Variants in FEM1C observed in about 807,000 individuals in gnomAD.
FEM1C encodes the protein fem-1 homolog C, also known as protein fem-1 homolog C.
In FEM1C, 15 loss-of-function variants were observed where a neutral mutation model predicts 37.6. The observed-to-expected ratio is 0.40, with a 90% confidence interval of 0.27 to 0.61. The LOEUF (loss-of-function observed/expected upper bound fraction) is 0.61, where lower values mean the gene tolerates loss of function less well. Among genes scored for constraint, FEM1C ranks in the 20% least tolerant of loss-of-function variants. FEM1C has a pLI of 0.42. For missense variants in FEM1C, 532 were observed against 749.7 expected (o/e 0.71, Z 3.39); for synonymous variants, 287 against 272.8 (o/e 1.05, Z -0.51).
In FEM1C at chr5:115,524,291, A is replaced by G. The variant is rs369239412; in HGVS notation, c.*17T>C. The G allele has an allele frequency of 1.1e-5, 17 of 1,607,562 alleles. No homozygotes were observed. In the African/African-American group the frequency reaches 2.0e-4, roughly 19 times the overall value. On this transcript the variant is annotated 3_prime_UTR_variant, in exon 3 of 3. Transcript: ENST00000274457. ...TACCAATTCGTGCTTTAACAGTGCTAAAATACAGTCAAGTTATCATCTATG... is the reference window on the plus strand; with the variant it reads ...TACCAATTCGTGCTTTAACAGTGCTGAAATACAGTCAAGTTATCATCTATG...
At chr5:115,540,497 G>A (rs934625651) in intron 2 of FEM1C, among the ~76,000 whole-genome samples, 4 of 151,826 alleles carry the variant, frequency 2.6e-5, no homozygotes, top group Admixed American at 6.6e-5. Context: ...TGATACTGGG[G>A]AAAAAAATGA....
At chr5:115,527,621 T>C (rs926332592) in intron 2 of FEM1C, among the ~76,000 whole-genome samples, 3 of 152,104 alleles carry the variant, frequency 2.0e-5, no homozygotes, top group Non-Finnish European at 2.9e-5. Flanking sequence ...TTCTAAGAAA[T>C]AGGCAATATA....
Position 115,524,204 on chromosome 5 carries a change from TATCA to T in FEM1C, c.*100_*103del. On this transcript the variant is annotated 3_prime_UTR_variant, in exon 3 of 3. Transcript: ENST00000274457. Reference sequence around the variant, plus strand: ...GCTTTAGCCAATGAGAGCACAATGATATCAATCAAGCTAAATGAATGCTGGTGTT... The same window carrying T: ...GCTTTAGCCAATGAGAGCACAATGATATCAAGCTAAATGAATGCTGGTGTT... 1.1e-6 allele frequency: 1 copy of T among 882,496 alleles called. No individual in the cohort carries two copies. The highest frequency in any genetic ancestry group is 1.8e-6 in the Non-Finnish European group (1 of 562,874). The allele number at this position is 882,496 out of a possible 1,614,324, so 54.7% of individuals were successfully genotyped here.
rs1215000062 is a variant in FEM1C, at chr5:115,524,975, T to C, written c.1187A>G (p.Asp396Gly). ...AGTACCCAGCAGGCCTTTAGCCCTA[T>C]CCTGTAGCATAAAGGAGAATAGTTC... ...FAELFSFMLQ[D>G]RAKGLLGTTV... Residue 396 changes from aspartate to glycine, a missense_variant, in exon 3 of 3, where the codon GAT becomes GGT. Around this residue, in one of 3 missense-constraint regions of FEM1C, gnomAD observed 221 missense variants for 404.1 expected, o/e 0.55. Coordinates refer to ENST00000274457, the MANE Select transcript of FEM1C (RefSeq NM_020177.3). 3 of 1,613,746 alleles carry C rather than the reference T, an allele frequency of 1.9e-6. No individual in the cohort carries two copies. The highest frequency in any genetic ancestry group is 2.2e-5 in the East Asian group (1 of 44,866).
At position 115,524,216 on chromosome 5, in the gene FEM1C, T is replaced by G. The variant is rs74327648; in HGVS notation, c.*92A>C. On this transcript the variant is annotated 3_prime_UTR_variant, in exon 3 of 3. Transcript: ENST00000274457. ...GAGAGCACAATGATATCAATCAAGC[T>G]AAATGAATGCTGGTGTTATCACAAC... is the stretch of plus-strand genomic sequence containing the variant. The G allele has an allele frequency of 3.0e-3, 2,986 of 1,011,340 alleles. 60 individuals are homozygous for G. The African/African-American group carries it at 0.043, about 15-fold the overall frequency. 62.6% of individuals were successfully genotyped at this position (1,011,340 alleles called of 1,614,324 possible). A position where few individuals can be genotyped will look rare whatever the true frequency, so the allele number is the denominator to read the frequency against.
rs77852843 is a variant in FEM1C, at chr5:115,531,886, G to T, written c.545-6269C>A. On this transcript the variant is annotated intron_variant, in intron 2 of 2. Transcript: ENST00000274457. ...CTGCTCTAACCCGGAGACATGGTCT[G>T]CATCTCCCACACACAAGGGAGAAAT... 6.4e-3 allele frequency among the ~76,000 whole-genome samples: 973 copies of T among 152,160 alleles called. 11 individuals carry two copies. The highest frequency in any genetic ancestry group is 0.022 in the African/African-American group (926 of 41,516).
rs1753790961 is a variant in FEM1C at position 115,522,214 on chromosome 5, A to G, written c.*2094T>C. On this transcript the variant is annotated 3_prime_UTR_variant, in exon 3 of 3. Coordinates refer to ENST00000274457, the MANE Select transcript of FEM1C (RefSeq NM_020177.3). ...CAAATTATCGAGATCAACTAATGTAATTTACTATAATGGCAAAGTTTTCCT... is the reference window on the plus strand; with the variant it reads ...CAAATTATCGAGATCAACTAATGTAGTTTACTATAATGGCAAAGTTTTCCT... The G allele has an allele frequency of 6.6e-6, 1 of 151,828 alleles. No homozygotes were observed. The highest frequency in any genetic ancestry group is 1.5e-5 in the Non-Finnish European group (1 of 67,822). 9.4% of individuals were successfully genotyped at this position (151,828 alleles called of 1,614,324 possible). A position where few individuals can be genotyped will look rare whatever the true frequency, so the allele number is the denominator to read the frequency against.
At chr5:115,544,159 CTG>C (rs2127176718) in intron 1 of FEM1C, 2 of 985,448 alleles carry the variant, frequency 2.0e-6, no homozygotes, top group Non-Finnish European at 2.4e-6. Flanking sequence ...AAGGCCAAAA[CTG>C]TGCCCCGAAA....
At position 115,525,526 on chromosome 5, in the gene FEM1C, A is replaced by G. The variant is rs1753872515; in HGVS notation, c.636T>C (p.Gly212=). The change falls in exon 3 of 3, where the codon GGT becomes GGC. Residue 212 remains glycine (G), a synonymous_variant. Transcript: ENST00000274457. ...LMYCAKMEKD[G]YGMTPLLSAS... is the part of the protein sequence containing the mutation. ...CTGAGAGAAGGGGAGTCATTCCATAACCATCCTTTTCCATCTTGGCACAAT... is the reference window on the plus strand; with the variant it reads ...CTGAGAGAAGGGGAGTCATTCCATAGCCATCCTTTTCCATCTTGGCACAAT... 1.2e-6 allele frequency: 2 copies of G among 1,613,498 alleles called. No homozygotes were observed. The highest frequency in any genetic ancestry group is 1.1e-5 in the South Asian group (1 of 91,076).
Position 115,524,868 on chromosome 5 carries a change from G to C in FEM1C, c.1294C>G (p.Pro432Ala). The change falls in exon 3 of 3, where the codon CCA becomes GCA. Residue 432 changes from proline (P) to alanine (A), a missense_variant. This residue lies in a region of FEM1C where 237 missense variants were observed against 260.5 expected (regional missense o/e 0.91). Transcript: ENST00000274457. The stretch of plus-strand genomic sequence containing the variant: ...TTATTTAACTGTAATGGGTCAGCTG[G>C]ACACTGAGTTTGTTTGATAGCTCGC... ...IERAIKQTQC[P>A]ADPLQLNKAL... 1 of 1,613,666 alleles carries C rather than the reference G, an allele frequency of 6.2e-7. No individual in the cohort carries two copies. Among genetic ancestry groups the C allele is most frequent in the Non-Finnish European group, 8.5e-7 (1 of 1,179,800 alleles).
intron 2 of FEM1C, among the ~76,000 whole-genome samples, chr5:115,537,383 A>G (rs979477080): frequency 2.0e-5 from 3 of 152,094 alleles, no homozygotes; most frequent in African/African-American, 7.2e-5. Context: ...GCCACGAACA[A>G]TATGAACAGC....
intron 2 of FEM1C, among the ~76,000 whole-genome samples, chr5:115,541,435 AT>A (rs1379944127): frequency 6.6e-6 from 1 of 152,174 alleles, no homozygotes; most frequent in Non-Finnish European, 1.5e-5. Flanking sequence ...TACAGCAAAT[AT>A]GCTCAGTAAC....
rs939578528 is a variant in FEM1C, at chr5:115,542,871, C to T, written c.544+79G>A. On this transcript the variant is annotated intron_variant, in intron 2 of 2. Coordinates refer to ENST00000274457, the MANE Select transcript of FEM1C (RefSeq NM_020177.3). ...GGTCTGTCAATGCTGGTTTACTCAACACCAGTGCTTATAATGATGTATCAA... is the reference window on the plus strand; with the variant it reads ...GGTCTGTCAATGCTGGTTTACTCAATACCAGTGCTTATAATGATGTATCAA... The T allele has an allele frequency of 2.6e-6, 4 of 1,518,156 alleles. No individual in the cohort carries two copies. The Admixed American group carries it at 6.0e-5, about 23-fold the overall frequency. 94.0% of individuals were successfully genotyped at this position (1,518,156 alleles called of 1,614,324 possible).
chr5:115,544,068 C>T (rs1450445765), intron 1 of FEM1C: 8 of 985,320 alleles, frequency 8.1e-6, no homozygotes, highest in Non-Finnish European at 9.6e-6. Flanking sequence ...TGCAGGAGAG[C>T]TGGCCAAGGG....
Position 115,524,547 on chromosome 5 carries a change from T to G in FEM1C, c.1615A>C (p.Asn539His). The change falls in exon 3 of 3, where the codon AAC becomes CAC. Residue 539 changes from asparagine (N) to histidine (H), a missense_variant. Around this residue, in one of 3 missense-constraint regions of FEM1C, gnomAD observed 237 missense variants for 260.5 expected, o/e 0.91. Coordinates refer to ENST00000274457, the MANE Select transcript of FEM1C (RefSeq NM_020177.3). Reference protein sequence around the residue: ...NSPLHIAALNNHPDIMNLLIK... With the variant: ...NSPLHIAALNHHPDIMNLLIK... Reference sequence around the variant, plus strand: ...AGGAGATTCATGATGTCTGGATGGTTGTTAAGAGCAGCGATATGCAGGGGA... The same window carrying G: ...AGGAGATTCATGATGTCTGGATGGTGGTTAAGAGCAGCGATATGCAGGGGA... The G allele has an allele frequency of 6.2e-7, 1 of 1,613,474 alleles. No homozygotes were observed. Among genetic ancestry groups the G allele is most frequent in the South Asian group, 1.1e-5 (1 of 91,002 alleles).
At chr5:115,534,234 C>T (rs1754074539) in intron 2 of FEM1C, among the ~76,000 whole-genome samples, 2 of 151,904 alleles carry the variant, frequency 1.3e-5, no homozygotes, top group Admixed American at 1.3e-4. Flanking sequence ...TGGTAGTATT[C>T]CTCAAGAAGC....
chr5:115,525,488 C>G lies in FEM1C; in HGVS notation c.674G>C (p.Gly225Ala). 6.2e-7 allele frequency: 1 copy of G among 1,613,648 alleles called. No individual in the cohort carries two copies. Among genetic ancestry groups the G allele is most frequent in the Non-Finnish European group, 8.5e-7 (1 of 1,179,792 alleles). ...MTPLLSASVT[G>A]HTNIVDFLTH... The stretch of plus-strand genomic sequence containing the variant: ...CAGAAAATCCACAATATTTGTGTGA[C>G]CAGTCACACTTGCTGAGAGAAGGGG... The change falls in exon 3 of 3, where the codon GGT becomes GCT. Residue 225 changes from glycine (G) to alanine (A), a missense_variant. Transcript: ENST00000274457.
rs557742699 is a variant in FEM1C, at chr5:115,535,878, T to C, written c.544+7072A>G. 2.6e-5 allele frequency among the ~76,000 whole-genome samples: 4 copies of C among 152,002 alleles called. No homozygotes were observed. The East Asian group carries it at 5.8e-4, about 22-fold the overall frequency. ...ATATATCTATTTCAATGGAATATTA[T>C]TCTGCAATAAAAAGAAAAGCACTCA... On this transcript the variant is annotated intron_variant, in intron 2 of 2. Coordinates refer to ENST00000274457, the MANE Select transcript of FEM1C (RefSeq NM_020177.3).
chr5:115,539,988 A>G (rs1754206451), intron 2 of FEM1C, among the ~76,000 whole-genome samples: 1 of 152,178 alleles, frequency 6.6e-6, no homozygotes, highest in South Asian at 2.1e-4. Flanking sequence ...GACCAAGCAC[A>G]ATGTACTGAC....
Sources: gnomAD v4.1 joint callset for allele counts (sites outside exome capture counted in the v4.1 genomes callset) on GRCh38, gnomAD v4.1.1 for gene constraint, gnomAD v4.1.1 regional missense constraint, MANE v1.5 for transcripts, NCBI Gene and HGNC (gene_info 2026-07-23, HGNC 2026-07-21) for gene names.